LMO7: variants seen among roughly 807,000 people sequenced by gnomAD.
LMO7 encodes the protein LIM domain 7.
A neutral mutation model predicts 206.5 loss-of-function variants in LMO7; 120 were observed. The observed-to-expected ratio is 0.58, with a 90% CI of 0.50 to 0.68. The LOEUF (loss-of-function observed/expected upper bound fraction) is 0.68, where lower values mean the gene tolerates loss of function less well. Ranked by LOEUF, LMO7 falls within the 30% of genes least tolerant of loss-of-function variation. The pLI is 0.00. For synonymous variants in LMO7, 706 were observed against 681.5 expected, an observed-to-expected ratio of 1.04 and a Z score of -0.56; for missense variants, 1,959 against 1,957.9, an observed-to-expected ratio of 1.00 and a Z score of -0.01.
At chr13:75,639,784 G>A (rs1238345199) in intron 1 of LMO7, among the ~76,000 whole-genome samples, 1 of 152,220 alleles carries the variant, frequency 6.6e-6, no homozygotes, top group African/African-American at 2.4e-5. Flanking sequence ...CTAGATTGAG[G>A]TTCAAATACA....
intron 4 of LMO7, among the ~76,000 whole-genome samples, chr13:75,789,611 C>G (rs766155347): frequency 6.6e-6 from 1 of 152,132 alleles, no homozygotes; most frequent in Non-Finnish European, 1.5e-5. Context: ...TTGATGGACT[C>G]TGGTATGCAA....
At chr13:75,790,695 G>A (rs1428573363) in intron 4 of LMO7, among the ~76,000 whole-genome samples, 1 of 152,130 alleles carries the variant, frequency 6.6e-6, no homozygotes, top group Non-Finnish European at 1.5e-5. Flanking sequence ...AAGATGATTA[G>A]AGCTGCATGA....
intron 1 of LMO7, among the ~76,000 whole-genome samples, chr13:75,678,797 T>C (rs2040240020): frequency 6.6e-6 from 1 of 152,252 alleles, no homozygotes; most frequent in Non-Finnish European, 1.5e-5. Flanking sequence ...GCGTTTTAGA[T>C]GTTCCATGAT....
In LMO7 at chr13:75,857,927, G is replaced by T; in HGVS notation, c.4880G>T (p.Arg1627Leu). 6.3e-7 allele frequency: 1 copy of T among 1,596,494 alleles called. No individual in the cohort carries two copies. The highest frequency in any genetic ancestry group is 8.5e-7 in the Non-Finnish European group (1 of 1,173,084). The part of the protein sequence containing the change: ...NDCYLRFKSG[R>L]PTAM ...TTTCTCCTTGCCCGATCAGCTGGAC[G>T]GCCAACCGCCATGTGATGTAAGCCT... The change falls in exon 31 of 31, where the codon CGG (arginine) becomes CTG (leucine). Residue 1627 changes from arginine (R) to leucine (L), a missense_variant. Physicochemically the swap from Arg to Leu is moderately radical, Grantham distance 102 (BLOSUM62 -2). Coordinates refer to ENST00000377534, the MANE Select transcript of LMO7 (RefSeq NM_001306080.2).
At chr13:75,736,160 C>G (rs2045805609) in intron 3 of LMO7, among the ~76,000 whole-genome samples, 1 of 152,178 alleles carries the variant, frequency 6.6e-6, no homozygotes, top group Non-Finnish European at 1.5e-5. Flanking sequence ...GAAATTCTAT[C>G]TAGTTTAGAT....
Position 75,807,805 on chromosome 13 carries a change from G to T in LMO7, c.1522G>T (p.Val508Leu), listed in dbSNP as rs377566014. The T allele has an allele frequency of 3.7e-6, 6 of 1,613,738 alleles. No individual in the cohort carries two copies. Among genetic ancestry groups the T allele is most frequent in the Non-Finnish European group, 5.1e-6 (6 of 1,179,860 alleles). Residue 508 changes from valine (V) to leucine (L), a missense_variant, in exon 10 of 31, where the codon GTA becomes TTA. Physicochemically the swap from Val to Leu is conservative, Grantham distance 32. Transcript: ENST00000377534. ...TTTACAGTGTAGAGAAGGTGAACTTGTACTTCCGGATTTGGAAAAAGATGA... is the reference window on the plus strand; with the variant it reads ...TTTACAGTGTAGAGAAGGTGAACTTTTACTTCCGGATTTGGAAAAAGATGA... Reference protein sequence around the residue: ...IILQCREGELVLPDLEKDDMI... With the variant: ...IILQCREGELLLPDLEKDDMI...
intron 1 of LMO7, among the ~76,000 whole-genome samples, chr13:75,682,707 C>T (rs1429378404): frequency 6.6e-6 from 1 of 152,108 alleles, no homozygotes; most frequent in Admixed American, 6.6e-5. Context: ...TATTACTGTA[C>T]TTCTAGTCCA....
intron 1 of LMO7, among the ~76,000 whole-genome samples, chr13:75,693,513 G>A (rs930820069): frequency 3.3e-5 from 5 of 152,106 alleles, no homozygotes; most frequent in South Asian, 4.1e-4. Context: ...CCTCCCTACC[G>A]TCACTGAATC....
chr13:75,842,431 T>C (rs2059623769), intron 24 of LMO7, among the ~76,000 whole-genome samples: 1 of 152,072 alleles, frequency 6.6e-6, no homozygotes, highest in South Asian at 2.1e-4. Context: ...TCCTTAGACT[T>C]TTCTAGAATA....
chr13:75,737,863 AAC>A (rs1566372815), intron 3 of LMO7, among the ~76,000 whole-genome samples: 1 of 147,310 alleles, frequency 6.8e-6, no homozygotes, highest in African/African-American at 2.5e-5. Context: ...AAAAAAAAAA[AAC>A]ACAGTACAAA....
chr13:75,740,756 T>G (rs562162175), intron 3 of LMO7, among the ~76,000 whole-genome samples: 2 of 152,330 alleles, frequency 1.3e-5, no homozygotes, highest in South Asian at 4.1e-4. Flanking sequence ...CTGGCTGTCA[T>G]GACCTCCATC....
chr13:75,790,162 G>A (rs2053062556), intron 4 of LMO7, among the ~76,000 whole-genome samples: 1 of 152,132 alleles, frequency 6.6e-6, no homozygotes, highest in African/African-American at 2.4e-5. Context: ...TCACAGAAAT[G>A]TCTCTTCTGA....
At position 75,848,431 on chromosome 13, in the gene LMO7, T is replaced by TTATCTATCTATCTATC. The variant is rs139984746; in HGVS notation, c.4151-625_4151-610dup. ...TATGGCTGAGTAGTATTCCATGCGA[T>TTATCTATCTATCTATC]TATCTATCTATCTATCTATCTATCT... On this transcript the variant is annotated intron_variant, in intron 26 of 30. Transcript: ENST00000377534. Among the ~76,000 whole-genome samples the TTATCTATCTATCTATC allele has an allele frequency of 5.4e-3, 817 of 150,624 alleles. 4 individuals carry two copies. The highest frequency in any genetic ancestry group is 9.7e-3 in the East Asian group (49 of 5,072).
intron 4 of LMO7, among the ~76,000 whole-genome samples, chr13:75,790,296 G>T (rs528021238): frequency 4.6e-5 from 7 of 152,242 alleles, no homozygotes; most frequent in African/African-American, 1.2e-4. Context: ...TCACTTACTT[G>T]TCCTGCTTTG....
intron 1 of LMO7, among the ~76,000 whole-genome samples, chr13:75,710,196 C>A (rs2042980677): frequency 6.6e-6 from 1 of 152,182 alleles, no homozygotes; most frequent in Non-Finnish European, 1.5e-5. Flanking sequence ...GTTTTGGTTA[C>A]TATAGCCTTG....
intron 12 of LMO7, among the ~76,000 whole-genome samples, chr13:75,818,516 CT>C (rs1349835680): frequency 2.0e-5 from 3 of 151,774 alleles, no homozygotes; most frequent in Non-Finnish European, 2.9e-5. Context: ...TCTTAACCCC[CT>C]GGGTGTCAGA....
chr13:75,672,334 C>A (rs577500494), intron 1 of LMO7, among the ~76,000 whole-genome samples: 1 of 151,612 alleles, frequency 6.6e-6, no homozygotes, highest in East Asian at 1.9e-4. Flanking sequence ...CTCTGCCTCC[C>A]GGGTTCAAGC....
At chr13:75,760,664 A>G in intron 3 of LMO7, 1 of 1,506,522 alleles carries the variant, frequency 6.6e-7, no homozygotes, top group Non-Finnish European at 8.8e-7. Flanking sequence ...GTCCTGTAAC[A>G]GGTAATGTTT....
At chr13:75,724,853 T>C (rs1251584701) in intron 2 of LMO7, among the ~76,000 whole-genome samples, 2 of 152,162 alleles carry the variant, frequency 1.3e-5, no homozygotes, top group African/African-American at 4.8e-5. Context: ...AGTTTTCCTT[T>C]AGTGACTCAA....
Sources: gnomAD v4.1 joint callset for allele counts (sites outside exome capture counted in the v4.1 genomes callset) on GRCh38, gnomAD v4.1.1 for gene constraint, MANE v1.5 for transcripts, NCBI Gene and HGNC (gene_info 2026-07-23, HGNC 2026-07-21) for gene names.